Variants in CSMD1 observed in about 807,000 individuals in gnomAD.
CSMD1 encodes the protein CUB and Sushi multiple domains 1.
In CSMD1, 213 loss-of-function variants were observed where a neutral mutation model predicts 417.5. The ratio of observed to expected loss-of-function variants is 0.51; its 90% CI spans 0.46 to 0.57. CSMD1 has a LOEUF of 0.57. CSMD1 is among the 20% of genes least tolerant of loss of function. CSMD1 has a pLI of 0.00. For synonymous variants in CSMD1, 2,862 were observed against 1,736.8 expected, an observed-to-expected ratio of 1.65 and a Z score of -16.11; for missense variants, 6,923 against 4,529.7, an observed-to-expected ratio of 1.53 and a Z score of -15.17.
intron 1 of CSMD1, among the ~76,000 whole-genome samples, chr8:4,666,435 C>A (rs1477303152): frequency 1.3e-5 from 2 of 152,066 alleles, no homozygotes; most frequent in Non-Finnish European, 2.9e-5. Flanking sequence ...GGAAACAGCA[C>A]AGGAGACAAG....
intron 1 of CSMD1, among the ~76,000 whole-genome samples, chr8:4,917,626 T>C (rs1806157891): frequency 6.6e-6 from 1 of 151,328 alleles, no homozygotes; most frequent in Non-Finnish European, 1.5e-5. Context: ...AGAGCGAGAC[T>C]CCGTCTCAAA....
At position 4,670,946 on chromosome 8, in the gene CSMD1, C is replaced by G. The variant is rs150842169; in HGVS notation, c.86-33388G>C. On this transcript the variant is annotated intron_variant, in intron 1 of 69. Coordinates refer to ENST00000635120, the MANE Select transcript of CSMD1 (RefSeq NM_033225.6). ...ATTAATTGAGCAGTCATATAACAAA[C>G]AGTCATATGACATCCATGCTATCTC... Among the ~76,000 whole-genome samples, 110 of 152,336 alleles carry G rather than the reference C, an allele frequency of 7.2e-4. No individual in the cohort carries two copies. In the East Asian group the frequency reaches 0.02, roughly 28 times the overall value.
chr8:3,014,199 T>C (rs1194969486), intron 52 of CSMD1, among the ~76,000 whole-genome samples: 1 of 37,456 alleles, frequency 2.7e-5, no homozygotes, highest in Non-Finnish European at 5.5e-5. Context: ...AAATTTTTGA[T>C]TCAGAAACAT....
intron 48 of CSMD1, among the ~76,000 whole-genome samples, chr8:3,090,036 G>C (rs1390375182): frequency 6.6e-6 from 1 of 152,050 alleles, no homozygotes; most frequent in African/African-American, 2.4e-5. Flanking sequence ...ACTATCGGCC[G>C]GGCGCGGTGG....
At chr8:3,407,286 G>A (rs915468286) in intron 14 of CSMD1, among the ~76,000 whole-genome samples, 1 of 151,996 alleles carries the variant, frequency 6.6e-6, no homozygotes. Flanking sequence ...TGGATGGAAG[G>A]ATAAAAGGAA....
chr8:4,438,935 G>A (rs1311199545), intron 2 of CSMD1, among the ~76,000 whole-genome samples: 1 of 152,228 alleles, frequency 6.6e-6, no homozygotes, highest in Non-Finnish European at 1.5e-5. Context: ...ATATGGTGTA[G>A]GATTCCGTAA....
intron 26 of CSMD1, among the ~76,000 whole-genome samples, chr8:3,275,882 C>A (rs113741939): frequency 0.27 from 41,629 of 151,798 alleles, 5,920 homozygotes; most frequent in African/African-American, 0.34. Flanking sequence ...GAATGTCCTC[C>A]TGTAGCTCAG....
intron 25 of CSMD1, among the ~76,000 whole-genome samples, chr8:3,301,619 G>C (rs77235992): frequency 0.043 from 6,504 of 152,272 alleles, 460 homozygotes; most frequent in African/African-American, 0.14. Flanking sequence ...CACCACAGTA[G>C]CACAGGCTAT....
chr8:3,275,959 C>G (rs1301793667), intron 26 of CSMD1, among the ~76,000 whole-genome samples: 3 of 152,172 alleles, frequency 2.0e-5, no homozygotes, highest in South Asian at 4.1e-4. Flanking sequence ...CAGCTTTGTT[C>G]CGTTGCTGGT....
intron 5 of CSMD1, among the ~76,000 whole-genome samples, chr8:3,818,148 G>C (rs185657568): frequency 1.3e-5 from 2 of 152,138 alleles, no homozygotes; most frequent in East Asian, 1.9e-4. Context: ...GCTAAGGGTA[G>C]TGCCTCCTCT....
chr8:3,035,527 A>G (rs185907484), intron 50 of CSMD1, among the ~76,000 whole-genome samples: 2 of 152,344 alleles, frequency 1.3e-5, no homozygotes, highest in Admixed American at 1.3e-4. Context: ...GATTTATTCT[A>G]CAAATGACTA....
chr8:4,257,809 T>C (rs1415760750), intron 3 of CSMD1, among the ~76,000 whole-genome samples: 1 of 152,174 alleles, frequency 6.6e-6, no homozygotes, highest in Admixed American at 6.5e-5. Flanking sequence ...TTAATGTGCA[T>C]GAGGTTGCAT....
At chr8:4,154,043 T>A (rs1039753579) in intron 3 of CSMD1, among the ~76,000 whole-genome samples, 4 of 152,212 alleles carry the variant, frequency 2.6e-5, no homozygotes, top group Non-Finnish European at 5.9e-5. Context: ...TGCTGCCACA[T>A]TTGTTTTCCT....
chr8:4,198,329 G>A (rs532143608), intron 3 of CSMD1, among the ~76,000 whole-genome samples: 30 of 152,246 alleles, frequency 2.0e-4, no homozygotes, highest in Non-Finnish European at 4.3e-4. Flanking sequence ...ACAAGAGTAC[G>A]TCATGGTGGA....
intron 2 of CSMD1, among the ~76,000 whole-genome samples, chr8:4,573,653 G>A (rs367735322): frequency 9.2e-5 from 14 of 152,208 alleles, no homozygotes; most frequent in African/African-American, 2.9e-4. Context: ...GAGTGCTGTG[G>A]TAGGAGATCT....
chr8:3,434,284 T>C (rs1814410892), intron 12 of CSMD1, among the ~76,000 whole-genome samples: 1 of 152,198 alleles, frequency 6.6e-6, no homozygotes, highest in African/African-American at 2.4e-5. Context: ...TTCAGGTTGA[T>C]ATAATCTCTA....
chr8:4,337,709 C>G (rs972691052), intron 3 of CSMD1, among the ~76,000 whole-genome samples: 4 of 152,094 alleles, frequency 2.6e-5, no homozygotes, highest in African/African-American at 4.8e-5. Flanking sequence ...TAAAAGAGTA[C>G]ACTCAAGTAT....
chr8:4,420,925 T>C (rs983224131), intron 2 of CSMD1, among the ~76,000 whole-genome samples: 8 of 152,216 alleles, frequency 5.3e-5, no homozygotes, highest in Admixed American at 2.6e-4. Flanking sequence ...CCCTGTCTTT[T>C]GGTTTATCAC....
intron 10 of CSMD1, among the ~76,000 whole-genome samples, chr8:3,555,780 G>T (rs913825431): frequency 9.2e-5 from 14 of 152,138 alleles, no homozygotes; most frequent in Non-Finnish European, 2.1e-4. Flanking sequence ...TAGTTAGATA[G>T]ATGTATGGTT....
Sources: gnomAD v4.1 joint callset for allele counts (sites outside exome capture counted in the v4.1 genomes callset) on GRCh38, gnomAD v4.1.1 for gene constraint, MANE v1.5 for transcripts, NCBI Gene and HGNC (gene_info 2026-07-23, HGNC 2026-07-21) for gene names.